The following RYR2 variants were observed in gnomAD, a reference collection of about 807,000 sequenced individuals.
RYR2 encodes the protein ryanodine receptor 2.
Under a neutral mutation model 601.1 loss-of-function variants are expected in RYR2, and 227 were observed. The observed-to-expected ratio is 0.38, with a 90% CI of 0.34 to 0.42. The LOEUF is 0.42. Among genes scored for constraint, RYR2 ranks in the 10% least tolerant of loss-of-function variants. RYR2 has a pLI of 1.00. For synonymous variants in RYR2, 2,223 were observed against 2,175.1 expected, an observed-to-expected ratio of 1.02 and a Z score of -0.61; for missense variants, 4,646 against 6,156.5, an observed-to-expected ratio of 0.75 and a Z score of 8.21.
chr1:237,722,574 C>T (rs1041800559), intron 73 of RYR2, among the ~76,000 whole-genome samples: 8 of 151,856 alleles, frequency 5.3e-5, no homozygotes, highest in East Asian at 1.9e-4. Flanking sequence ...GCTGGGACTA[C>T]AGGCGCCCGC....
intron 2 of RYR2, among the ~76,000 whole-genome samples, chr1:237,297,622 C>T (rs1692920231): frequency 6.6e-6 from 1 of 151,976 alleles, no homozygotes; most frequent in African/African-American, 2.4e-5. Flanking sequence ...CTGAAGTCTT[C>T]TCAGTTTCTA....
At chr1:237,500,571 C>G (rs867756810) in intron 20 of RYR2, 140 bp from the exon 21 acceptor site, 2 of 648,684 alleles carry the variant, frequency 3.1e-6, no homozygotes, top group Admixed American at 2.6e-5. Context: ...ATGTAACATG[C>G]GTTTACATTC....
chr1:237,701,821 C>A lies in RYR2; in HGVS notation c.9368-157C>A, dbSNP rs72751277. ...GCTTGTTTCACTGAAGATAACAACC[C>A]CCAGTTCCATCCATGTTGCTGCAAA... On this transcript the variant is annotated intron_variant, in intron 65 of 104. Coordinates refer to ENST00000366574, the MANE Select transcript of RYR2 (RefSeq NM_001035.3). Among the ~76,000 whole-genome samples, 2,553 of 152,176 alleles carry A rather than the reference C, an allele frequency of 0.017. 38 individuals carry two copies. The highest frequency in any genetic ancestry group is 0.028 in the Non-Finnish European group (1,885 of 68,014).
chr1:237,654,229 A>G lies in RYR2; in HGVS notation c.7825-45A>G, dbSNP rs370006261. ...GAGGAGAAATGAAAAAAAAATATAAAAGGTTTTGATAGCTCATTGCTTTTA... is the reference window on the plus strand; with the variant it reads ...GAGGAGAAATGAAAAAAAAATATAAGAGGTTTTGATAGCTCATTGCTTTTA... On this transcript the variant is annotated intron_variant, in intron 51 of 104. Coordinates refer to ENST00000366574, the MANE Select transcript of RYR2 (RefSeq NM_001035.3). 8 of 1,592,064 alleles carry G rather than the reference A, an allele frequency of 5.0e-6. No homozygotes were observed. The African/African-American group carries it at 9.5e-5, about 19-fold the overall frequency.
intron 1 of RYR2, among the ~76,000 whole-genome samples, chr1:237,259,012 G>T (rs1306392189): frequency 6.6e-6 from 1 of 151,838 alleles, no homozygotes; most frequent in African/African-American, 2.4e-5. Context: ...TAAAGTGAGG[G>T]CTCTGACATC....
At chr1:237,283,774 T>G (rs1483961558) in intron 2 of RYR2, among the ~76,000 whole-genome samples, 3 of 152,260 alleles carry the variant, frequency 2.0e-5, no homozygotes, top group Admixed American at 1.3e-4. Flanking sequence ...ATAGTACATT[T>G]GTAGTAATAT....
At chr1:237,293,381 A>T (rs1692440325) in intron 2 of RYR2, among the ~76,000 whole-genome samples, 1 of 151,972 alleles carries the variant, frequency 6.6e-6, no homozygotes, top group African/African-American at 2.4e-5. Context: ...TAATTTTTGT[A>T]TTTTTAGTAG....
At chr1:237,601,396 T>G (rs540695312) in intron 34 of RYR2, among the ~76,000 whole-genome samples, 1 of 152,100 alleles carries the variant, frequency 6.6e-6, no homozygotes, top group South Asian at 2.1e-4. Flanking sequence ...GTCATGGAAG[T>G]AGTGAATAGA....
At chr1:237,408,405 TAA>T (rs56354139) in intron 10 of RYR2, among the ~76,000 whole-genome samples, 18 of 147,436 alleles carry the variant, frequency 1.2e-4, no homozygotes, top group Admixed American at 3.3e-4. Context: ...TATATATATA[TAA>T]ATGGATATCC....
At position 237,828,372 on chromosome 1, in the gene RYR2, T is replaced by C; in HGVS notation, c.14591-9T>C. 6.5e-7 allele frequency: 1 copy of C among 1,538,810 alleles called. No homozygotes were observed. The highest frequency in any genetic ancestry group is 8.8e-7 in the Non-Finnish European group (1 of 1,133,216). On this transcript the variant is annotated splice_polypyrimidine_tract_variant and intron_variant, in intron 101 of 104. Transcript: ENST00000366574. ...ATAAAGATTAAATTGTGTTTTTATTTAACACCAGGTCTAATTATTGATGCT... is the reference window on the plus strand; with the variant it reads ...ATAAAGATTAAATTGTGTTTTTATTCAACACCAGGTCTAATTATTGATGCT...
intron 1 of RYR2, among the ~76,000 whole-genome samples, chr1:237,126,578 C>G (rs570478693): frequency 6.6e-6 from 1 of 152,262 alleles, no homozygotes; most frequent in East Asian, 1.9e-4. Context: ...TTCCCTCTTT[C>G]TTCCACAGGT....
At chr1:237,165,061 ACTC>A (rs1372252677) in intron 1 of RYR2, among the ~76,000 whole-genome samples, 1 of 149,546 alleles carries the variant, frequency 6.7e-6, no homozygotes, top group Non-Finnish European at 1.5e-5. Context: ...GCAGCCTTGA[ACTC>A]CTCCTGCTTC....
intron 55 of RYR2, 24 bp downstream of exon 55, chr1:237,660,098 GT>G (rs780590310): frequency 2.3e-6 from 3 of 1,330,620 alleles, no homozygotes; most frequent in East Asian, 5.3e-5. Flanking sequence ...GTTTGTTTTA[GT>G]TTGTAAAGTT....
chr1:237,634,201 G>A (rs570464296), intron 43 of RYR2, among the ~76,000 whole-genome samples: 2 of 152,142 alleles, frequency 1.3e-5, no homozygotes, highest in African/African-American at 4.8e-5. Context: ...CTGAGATATG[G>A]AATCAACCTA....
intron 84 of RYR2, among the ~76,000 whole-genome samples, chr1:237,769,070 C>T (rs1447466981): frequency 6.6e-6 from 1 of 152,010 alleles, no homozygotes; most frequent in Non-Finnish European, 1.5e-5. Flanking sequence ...TGAATACTTT[C>T]TAGTAAGGGT....
At chr1:237,760,929 T>A (rs1160606941) in intron 83 of RYR2, 26 bp from the exon 84 acceptor site, 1 of 1,438,636 alleles carries the variant, frequency 7.0e-7, no homozygotes, top group African/African-American at 1.4e-5. Flanking sequence ...GTCCTCTAAA[T>A]GTTTTTTTTT....
chr1:237,509,777 C>T (rs1376637322), intron 23 of RYR2, among the ~76,000 whole-genome samples: 1 of 152,024 alleles, frequency 6.6e-6, no homozygotes, highest in African/African-American at 2.4e-5. Flanking sequence ...GGAAGGCTTC[C>T]AGGAGGAGGT....
intron 2 of RYR2, among the ~76,000 whole-genome samples, chr1:237,309,865 C>T (rs975237748): frequency 2.0e-5 from 3 of 152,128 alleles, no homozygotes; most frequent in African/African-American, 4.8e-5. Context: ...CAGCTGCTGC[C>T]GCAGGTGCTA....
intron 80 of RYR2, among the ~76,000 whole-genome samples, chr1:237,747,284 A>G (rs1692162566): frequency 6.6e-6 from 1 of 152,308 alleles, no homozygotes; most frequent in Non-Finnish European, 1.5e-5. Flanking sequence ...GATGAGTCTG[A>G]GGTCCTATTT....
Sources: gnomAD v4.1 joint callset for allele counts (sites outside exome capture counted in the v4.1 genomes callset) on GRCh38, gnomAD v4.1.1 for gene constraint, MANE v1.5 for transcripts, NCBI Gene and HGNC (gene_info 2026-07-23, HGNC 2026-07-21) for gene names.